ASCL1: variants seen among roughly 807,000 people sequenced by gnomAD.
ASCL1 encodes the protein achaete-scute family bHLH transcription factor 1, also known as achaete-scute homolog 1.
Under a neutral mutation model 16.1 loss-of-function variants are expected in ASCL1, and 2 were observed. The observed-to-expected ratio is 0.12, with a 90% CI of 0.05 to 0.39. ASCL1 has a LOEUF of 0.39. ASCL1 is among the 10% of genes least tolerant of loss of function. The pLI, the probability that ASCL1 is intolerant of heterozygous loss-of-function variation, is 0.99. For missense variants in ASCL1, 276 were observed against 336.9 expected (o/e 0.82, Z 1.41); for synonymous variants, 165 against 155.7 (o/e 1.06, Z -0.45).
chr12:102,958,790 C>G lies in ASCL1; in HGVS notation c.546C>G (p.Ala182=). ...TGGACGAGCATGACGCGGTGAGCGC[C>G]GCCTTCCAGGCAGGCGTCCTGTCGC... ...QLLDEHDAVS[A]AFQAGVLSPT... Residue 182 remains alanine, a synonymous_variant, in exon 1 of 2, where the codon GCC becomes GCG. Transcript: ENST00000266744. 3.1e-6 allele frequency: 5 copies of G among 1,614,070 alleles called. No individual in the cohort carries two copies. The highest frequency in any genetic ancestry group is 1.3e-5 in the African/African-American group (1 of 75,080).
rs1045526204 is a variant in ASCL1 at position 102,959,699 on chromosome 12, C to T, written c.*385C>T. On this transcript the variant is annotated 3_prime_UTR_variant, in exon 2 of 2. Coordinates refer to ENST00000266744, the MANE Select transcript of ASCL1 (RefSeq NM_004316.4). ...ACACGCGTTATAGTAACTCCCATCA[C>T]CTCTAACACGCACAGCTGAAAGTTC... is the stretch of plus-strand genomic sequence containing the variant. The T allele has an allele frequency of 6.6e-6, 1 of 152,296 alleles. No individual in the cohort carries two copies. Among genetic ancestry groups the T allele is most frequent in the African/African-American group, 2.4e-5 (1 of 41,446 alleles). The allele number at this position is 152,296 out of a possible 1,614,324, so 9.4% of individuals were successfully genotyped here.
chr12:102,959,295 C>T lies in ASCL1; in HGVS notation c.*48-67C>T, dbSNP rs375372141. ...CCTGACAGACTCTTTCCCCAGACCTCCATCTCCCTCTACCACTAGCCTACA... is the reference window on the plus strand; with the variant it reads ...CCTGACAGACTCTTTCCCCAGACCTTCATCTCCCTCTACCACTAGCCTACA... On this transcript the variant is annotated intron_variant, in intron 1 of 1. Transcript: ENST00000266744. 3.0e-4 allele frequency: 110 copies of T among 366,326 alleles called. No individual in the cohort carries two copies. The East Asian group carries it at 5.3e-3, about 18-fold the overall frequency. The allele number at this position is 366,326 out of a possible 1,614,324, so 22.7% of individuals were successfully genotyped here.
Position 102,958,406 on chromosome 12 carries a change from G to GCAA in ASCL1, c.164_165insACA (p.Gln62dup), listed in dbSNP as rs1880007696. The GCAA allele has an allele frequency of 6.6e-7, 1 of 1,514,950 alleles. No homozygotes were observed. Among genetic ancestry groups the GCAA allele is most frequent in the Admixed American group, 2.0e-5 (1 of 49,868 alleles). The allele number at this position is 1,514,950 out of a possible 1,614,324, so 93.8% of individuals were successfully genotyped here. ...CAGCGCAGAGCGCGCAGCAGCAGCAGCAGCAGCAGCAGCAGCAGCAGCAGG... is the reference window on the plus strand; with the variant it reads ...CAGCGCAGAGCGCGCAGCAGCAGCAGCAACAGCAGCAGCAGCAGCAGCAGCAGG... On this transcript the variant is annotated inframe_insertion, in exon 1 of 2. Coordinates refer to ENST00000266744, the MANE Select transcript of ASCL1 (RefSeq NM_004316.4).
In ASCL1 at chr12:102,959,006, G is replaced by A. The variant is rs1880033848; in HGVS notation, c.*47+4G>A. 1 of 1,612,164 alleles carries A rather than the reference G, an allele frequency of 6.2e-7. No homozygotes were observed. The highest frequency in any genetic ancestry group is 2.2e-5 in the East Asian group (1 of 44,880). The stretch of plus-strand genomic sequence containing the variant: ...TGCGAATGGACTTTGGAAGCAGGTA[G>A]GTTGCATTTTGGGGTGGGCAGGGGG... On this transcript the variant is annotated splice_donor_region_variant and intron_variant, in intron 1 of 1. Transcript: ENST00000266744.
rs1020431803 is a variant in ASCL1 at position 102,957,911 on chromosome 12, T to C, written c.-334T>C. ...TGACTTTTGCTGCTGCTTCTGCTTT[T>C]TTTTTTCTTAGAAACAAGAAGGCGC... On this transcript the variant is annotated 5_prime_UTR_variant, in exon 1 of 2. Transcript: ENST00000266744. The surrounding 1 kb of genome is among the most constrained non-coding windows in gnomAD (Gnocchi z 4.1). 4.4e-6 allele frequency: 1 copy of C among 227,774 alleles called. No homozygotes were observed. The highest frequency in any genetic ancestry group is 2.3e-5 in the African/African-American group (1 of 43,958). The allele number at this position is 227,774 out of a possible 1,614,324, so 14.1% of individuals were successfully genotyped here.
At position 102,959,527 on chromosome 12, in the gene ASCL1, A is replaced by T. The variant is rs1880053076; in HGVS notation, c.*213A>T. The T allele has an allele frequency of 6.5e-6, 1 of 154,318 alleles. No homozygotes were observed. The allele number at this position is 154,318 out of a possible 1,614,324, so 9.6% of individuals were successfully genotyped here. A position where few individuals can be genotyped will look rare whatever the true frequency, so the allele number is the denominator to read the frequency against. On this transcript the variant is annotated 3_prime_UTR_variant, in exon 2 of 2. Coordinates refer to ENST00000266744, the MANE Select transcript of ASCL1 (RefSeq NM_004316.4). Reference sequence around the variant, plus strand: ...ACTAAGCGAGGCATGCCTGAGAGACATGGCTTTCAGAAAACGGGAAGCGCT... The same window carrying T: ...ACTAAGCGAGGCATGCCTGAGAGACTTGGCTTTCAGAAAACGGGAAGCGCT...
rs1392934448 is a variant in ASCL1 at position 102,958,189 on chromosome 12, C to A, written c.-56C>A. ...TCTCTCTGTGTCCCCCTCGCGGGCC[C>A]CGCACCTCGCGTCCCGGATCGCTCT... is the stretch of plus-strand genomic sequence containing the variant. On this transcript the variant is annotated 5_prime_UTR_variant, in exon 1 of 2. Coordinates refer to ENST00000266744, the MANE Select transcript of ASCL1 (RefSeq NM_004316.4). 1.5e-6 allele frequency: 2 copies of A among 1,374,016 alleles called. No homozygotes were observed. The highest frequency in any genetic ancestry group is 9.5e-7 in the Non-Finnish European group (1 of 1,056,216). The allele number at this position is 1,374,016 out of a possible 1,614,324, so 85.1% of individuals were successfully genotyped here. A position where few individuals can be genotyped will look rare whatever the true frequency, so the allele number is the denominator to read the frequency against.
chr12:102,958,064 C>CT lies in ASCL1; in HGVS notation c.-180dup, dbSNP rs1879980564. ...CATTTTCACTTTTTTTGCTCCCACT[C>CT]TAAGAAGTCTCCCGGGGATTTTGTA... On this transcript the variant is annotated 5_prime_UTR_variant, in exon 1 of 2. Coordinates refer to ENST00000266744, the MANE Select transcript of ASCL1 (RefSeq NM_004316.4). The CT allele has an allele frequency of 2.3e-6, 1 of 443,712 alleles. No individual in the cohort carries two copies. Among genetic ancestry groups the CT allele is most frequent in the African/African-American group, 2.0e-5 (1 of 48,904 alleles). 27.5% of individuals were successfully genotyped at this position (443,712 alleles called of 1,614,324 possible).
Position 102,959,160 on chromosome 12 carries a change from C to T in ASCL1, c.*47+158C>T, listed in dbSNP as rs532173520. The stretch of plus-strand genomic sequence containing the variant: ...TCAAGTCCTAGTTTGTTAGTTTCAG[C>T]ACTGGCCTCTGAAAATGGCCTTGCC... On this transcript the variant is annotated intron_variant, in intron 1 of 1. Transcript: ENST00000266744. Among the ~76,000 whole-genome samples, 6 of 152,332 alleles carry T rather than the reference C, an allele frequency of 3.9e-5. No homozygotes were observed. The East Asian group carries it at 1.2e-3, about 29-fold the overall frequency.
At position 102,960,109 on chromosome 12, in the gene ASCL1, T is replaced by C. The variant is rs181547992; in HGVS notation, c.*795T>C. 5 of 152,792 alleles carry C rather than the reference T, an allele frequency of 3.3e-5. No homozygotes were observed. Among genetic ancestry groups the C allele is most frequent in the African/African-American group, 1.2e-4 (5 of 41,590 alleles). The allele number at this position is 152,792 out of a possible 1,614,324, so 9.5% of individuals were successfully genotyped here. ...TTGTACAAATGGTTTAAAATGTGTATATCTTGATACTTTAACATGTAATGC... is the reference window on the plus strand; with the variant it reads ...TTGTACAAATGGTTTAAAATGTGTACATCTTGATACTTTAACATGTAATGC... On this transcript the variant is annotated 3_prime_UTR_variant, in exon 2 of 2. Transcript: ENST00000266744.
At position 102,958,399 on chromosome 12, in the gene ASCL1, A is replaced by G. The variant is rs1411842770; in HGVS notation, c.155A>G (p.Gln52Arg). ...GCAGCGGCAGCGCAGAGCGCGCAGC[A>G]GCAGCAGCAGCAGCAGCAGCAGCAG... ...AAAAAAQSAQ[Q>R]QQQQQQQQQQ... The change falls in exon 1 of 2, where the codon CAG becomes CGG. Residue 52 changes from glutamine to arginine, a missense_variant. Gln to Arg is a conservative substitution (Grantham distance 43). Around this residue, in one of 3 missense-constraint regions of ASCL1, gnomAD observed 178 missense variants for 167.0 expected, o/e 1.07. Transcript: ENST00000266744. The G allele has an allele frequency of 5.0e-6, 7 of 1,403,070 alleles. No homozygotes were observed. Among genetic ancestry groups the G allele is most frequent in the Non-Finnish European group, 5.8e-6 (6 of 1,038,340 alleles). The allele number at this position is 1,403,070 out of a possible 1,614,324, so 86.9% of individuals were successfully genotyped here.
Position 102,958,602 on chromosome 12 carries a change from G to T in ASCL1, c.358G>T (p.Val120Leu). 6.2e-7 allele frequency: 1 copy of T among 1,611,204 alleles called. No homozygotes were observed. The highest frequency in any genetic ancestry group is 8.5e-7 in the Non-Finnish European group (1 of 1,178,834). Residue 120 changes from valine to leucine, a missense_variant, in exon 1 of 2, where the codon GTG (valine) becomes TTG (leucine). Coordinates refer to ENST00000266744, the MANE Select transcript of ASCL1 (RefSeq NM_004316.4). The stretch of plus-strand genomic sequence containing the variant: ...CCTGCCGCAGCAGCAGCCGGCCGCC[G>T]TGGCGCGCCGCAACGAGCGCGAGCG... The part of the protein sequence containing the change: ...YSLPQQQPAA[V>L]ARRNERERNR...
rs3832799 is a variant in ASCL1, at chr12:102,958,393, C to CGCAGCAGCAGCAGCAGCAGCAGCAGCA, written c.160_186dup (p.Gln54_Gln62dup). 7.4e-5 allele frequency: 112 copies of CGCAGCAGCAGCAGCAGCAGCAGCAGCA among 1,507,164 alleles called. No homozygotes were observed. The African/African-American group carries it at 1.2e-3, about 16-fold the overall frequency. The allele number at this position is 1,507,164 out of a possible 1,614,324, so 93.4% of individuals were successfully genotyped here. A position where few individuals can be genotyped will look rare whatever the true frequency, so the allele number is the denominator to read the frequency against. ...GCCGCCGCAGCGGCAGCGCAGAGCG[C>CGCAGCAGCAGCAGCAGCAGCAGCAGCA]GCAGCAGCAGCAGCAGCAGCAGCAG... On this transcript the variant is annotated inframe_insertion, in exon 1 of 2. Coordinates refer to ENST00000266744, the MANE Select transcript of ASCL1 (RefSeq NM_004316.4).
In ASCL1 at chr12:102,960,182, T is replaced by A. The variant is rs2136787662; in HGVS notation, c.*868T>A. ...TGTGTAGTTCACCTTACAACTGCAA[T>A]TTTCCCTATGTGGTTTTGTAAAGAA... On this transcript the variant is annotated 3_prime_UTR_variant, in exon 2 of 2. Transcript: ENST00000266744. 1 of 152,768 alleles carries A rather than the reference T, an allele frequency of 6.5e-6. No homozygotes were observed. The highest frequency in any genetic ancestry group is 1.9e-4 in the East Asian group (1 of 5,188). The allele number at this position is 152,768 out of a possible 1,614,324, so 9.5% of individuals were successfully genotyped here.
At position 102,958,424 on chromosome 12, in the gene ASCL1, G is replaced by GCAA; in HGVS notation, c.182_183insACA (p.Gln62dup). ...AGCAGCAGCAGCAGCAGCAGCAGCA[G>GCAA]CAGCAGGCGCCGCAGCTGAGACCGG... On this transcript the variant is annotated inframe_insertion, in exon 1 of 2. Transcript: ENST00000266744. 6.5e-7 allele frequency: 1 copy of GCAA among 1,547,458 alleles called. No individual in the cohort carries two copies. Among genetic ancestry groups the GCAA allele is most frequent in the Non-Finnish European group, 8.7e-7 (1 of 1,147,270 alleles).
Position 102,958,809 on chromosome 12 carries a change from C to T in ASCL1, c.565C>T (p.Leu189=). 4 of 1,613,954 alleles carry T rather than the reference C, an allele frequency of 2.5e-6. No individual in the cohort carries two copies. Among genetic ancestry groups the T allele is most frequent in the Non-Finnish European group, 3.4e-6 (4 of 1,179,900 alleles). Residue 189 remains leucine (L), a synonymous_variant, in exon 1 of 2, where the codon CTG becomes TTG. Coordinates refer to ENST00000266744, the MANE Select transcript of ASCL1 (RefSeq NM_004316.4). Reference sequence around the variant, plus strand: ...GAGCGCCGCCTTCCAGGCAGGCGTCCTGTCGCCCACCATCTCCCCCAACTA... The same window carrying T: ...GAGCGCCGCCTTCCAGGCAGGCGTCTTGTCGCCCACCATCTCCCCCAACTA... ...AVSAAFQAGV[L]SPTISPNYSN... is the part of the protein sequence containing the mutation.
Position 102,959,006 on chromosome 12 carries a change from G to C in ASCL1, c.*47+4G>C. ...TGCGAATGGACTTTGGAAGCAGGTA[G>C]GTTGCATTTTGGGGTGGGCAGGGGG... On this transcript the variant is annotated splice_donor_region_variant and intron_variant, in intron 1 of 1. Transcript: ENST00000266744. 2 of 1,612,164 alleles carry C rather than the reference G, an allele frequency of 1.2e-6. No individual in the cohort carries two copies. Among genetic ancestry groups the C allele is most frequent in the Non-Finnish European group, 1.7e-6 (2 of 1,179,936 alleles).
At position 102,959,003 on chromosome 12, in the gene ASCL1, G is replaced by A; in HGVS notation, c.*47+1G>A. 6.2e-7 allele frequency: 1 copy of A among 1,612,388 alleles called. No individual in the cohort carries two copies. The highest frequency in any genetic ancestry group is 8.5e-7 in the Non-Finnish European group (1 of 1,179,968). On this transcript the variant is annotated splice_donor_variant, in intron 1 of 1. Transcript: ENST00000266744. LOFTEE classifies it low-confidence loss of function (3UTR_SPLICE). ...TGGTGCGAATGGACTTTGGAAGCAG[G>A]TAGGTTGCATTTTGGGGTGGGCAGG...
In ASCL1 at chr12:102,958,213, C is replaced by T; in HGVS notation, c.-32C>T. On this transcript the variant is annotated 5_prime_UTR_variant, in exon 1 of 2. Transcript: ENST00000266744. Reference sequence around the variant, plus strand: ...CCCGCACCTCGCGTCCCGGATCGCTCTGATTCCGCGACTCCTTGGCCGCCG... The same window carrying T: ...CCCGCACCTCGCGTCCCGGATCGCTTTGATTCCGCGACTCCTTGGCCGCCG... The T allele has an allele frequency of 6.9e-7, 1 of 1,452,734 alleles. No individual in the cohort carries two copies. The highest frequency in any genetic ancestry group is 9.0e-7 in the Non-Finnish European group (1 of 1,105,904). The allele number at this position is 1,452,734 out of a possible 1,614,324, so 90.0% of individuals were successfully genotyped here.
Sources: allele counts gnomAD v4.1 joint callset (sites outside exome capture counted in the v4.1 genomes callset), GRCh38; gene constraint gnomAD v4.1.1; regional missense constraint gnomAD v4.1.1; non-coding constraint Gnocchi (gnomAD v3.1); transcripts MANE v1.5; gene names NCBI Gene and HGNC (gene_info 2026-07-23, HGNC 2026-07-21).